The following KLHDC4 variants were observed in gnomAD, a reference collection of about 807,000 sequenced individuals.
KLHDC4 encodes the protein kelch domain-containing protein 4.
Under a neutral mutation model 62.4 loss-of-function variants are expected in KLHDC4, and 90 were observed. The ratio of observed to expected loss-of-function variants is 1.44; its 90% CI spans 1.22 to 1.72. The LOEUF (loss-of-function observed/expected upper bound fraction) is 1.72. Ranked by LOEUF, KLHDC4 falls within the 40% of genes most tolerant of loss-of-function variation. The pLI is 0.00. For missense variants in KLHDC4, 1,025 were observed against 699.7 expected (o/e 1.47, Z -5.25); for synonymous variants, 386 against 284.4 (o/e 1.36, Z -3.59).
At chr16:87,731,635 G>A (rs868301826) in intron 5 of KLHDC4, among the ~76,000 whole-genome samples, 20 of 151,282 alleles carry the variant, frequency 1.3e-4, no homozygotes, top group Admixed American at 5.3e-4. Flanking sequence ...CCATGGCACC[G>A]GTGAAAACGT....
intron 4 of KLHDC4, among the ~76,000 whole-genome samples, chr16:87,752,054 C>T (rs761882484): frequency 4.7e-4 from 59 of 125,548 alleles, no homozygotes; most frequent in Middle Eastern, 5.3e-3. Context: ...CGCGCCACTG[C>T]ACTCCAGCCT....
In KLHDC4 at chr16:87,744,657, C is replaced by T. The variant is rs967547415; in HGVS notation, c.506+4016G>A. Among the ~76,000 whole-genome samples the T allele has an allele frequency of 4.6e-5, 7 of 151,596 alleles. No homozygotes were observed. In the South Asian group the frequency reaches 1.5e-3, roughly 32 times the overall value. On this transcript the variant is annotated intron_variant, in intron 5 of 11. Coordinates refer to ENST00000270583, the MANE Select transcript of KLHDC4 (RefSeq NM_017566.4). ...ACAAAATACATGAAAAAAGCAAAGA[C>T]TTTAAGTAAATGAGAAAAATCCTCC...
intron 5 of KLHDC4, among the ~76,000 whole-genome samples, chr16:87,733,232 T>C (rs951636355): frequency 6.6e-6 from 1 of 152,244 alleles, no homozygotes; most frequent in African/African-American, 2.4e-5. Flanking sequence ...AGTGGTTTTC[T>C]TGTCTTAATC....
At chr16:87,718,526 C>T (rs953740576) in intron 7 of KLHDC4, among the ~76,000 whole-genome samples, 11 of 151,718 alleles carry the variant, frequency 7.3e-5, no homozygotes, top group African/African-American at 9.7e-5. Flanking sequence ...CGCGCCGCCA[C>T]GCCTGACTGG....
intron 9 of KLHDC4, chr16:87,710,756 C>A (rs917340851): frequency 2.0e-5 from 3 of 153,618 alleles, no homozygotes; most frequent in African/African-American, 7.2e-5. Context: ...CTGGGTCCGG[C>A]TGACCTGGTA....
chr16:87,718,987 G>A lies in KLHDC4; in HGVS notation c.760-4414C>T, dbSNP rs188685311. On this transcript the variant is annotated intron_variant, in intron 7 of 11. Transcript: ENST00000270583. ...TGAGAAGTGAGGAGCCCCTCCGCCC[G>A]GCAGCCGCCCCCTCCGGGAAGTGAG... is the stretch of plus-strand genomic sequence containing the variant. Among the ~76,000 whole-genome samples, 484 of 150,970 alleles carry A rather than the reference G, an allele frequency of 3.2e-3. 1 individual carries two copies. The highest frequency in any genetic ancestry group is 0.011 in the African/African-American group (465 of 40,984).
chr16:87,746,183 C>G (rs1486751656), intron 5 of KLHDC4, among the ~76,000 whole-genome samples: 1 of 151,938 alleles, frequency 6.6e-6, no homozygotes, highest in Non-Finnish European at 1.5e-5. Flanking sequence ...GGCAGGAAGA[C>G]CACTTGAGCC....
chr16:87,727,046 T>C (rs1315840011), intron 6 of KLHDC4, 122 bp from the exon 7 acceptor site: 2 of 1,022,240 alleles, frequency 2.0e-6, no homozygotes, highest in Admixed American at 2.3e-5. Flanking sequence ...TCAAACCATT[T>C]TTCTCCTCTG....
In KLHDC4 at chr16:87,755,199, G is replaced by A; in HGVS notation, c.364C>T (p.His122Tyr). Residue 122 changes from histidine to tyrosine, a missense_variant, in exon 4 of 12, where the codon CAC becomes TAC. By Grantham distance (83) the His-to-Tyr change is moderately conservative (BLOSUM62 2). Transcript: ENST00000270583. ...AGAGTCAGTGCTGACATTACCTGGT[G>A]AGCACAGCGCCTCGGAGGTGGACTG... ...IPSPPPRRCA[H>Y]QAVVVPQGGG... 1 of 1,605,150 alleles carries A rather than the reference G, an allele frequency of 6.2e-7. No homozygotes were observed. Among genetic ancestry groups the A allele is most frequent in the South Asian group, 1.1e-5 (1 of 90,874 alleles).
At chr16:87,728,264 C>CT (rs1257167023) in intron 6 of KLHDC4, among the ~76,000 whole-genome samples, 1 of 152,156 alleles carries the variant, frequency 6.6e-6, no homozygotes, top group African/African-American at 2.4e-5. Flanking sequence ...GACGATGGCT[C>CT]TTAATATAGA....
exon 1 of KLHDC4, chr16:87,702,551 G>C (rs1241993156): frequency 6.8e-5 from 24 of 353,082 alleles, no homozygotes; most frequent in South Asian, 4.5e-4. Flanking sequence ...CCCCCTCCTG[G>C]ACGCTGAGCT....
rs533513321 is a variant in KLHDC4 at position 87,752,859 on chromosome 16, G to C, written c.369+2335C>G. 3.3e-5 allele frequency among the ~76,000 whole-genome samples: 5 copies of C among 152,312 alleles called. No individual in the cohort carries two copies. The East Asian group carries it at 7.7e-4, about 23-fold the overall frequency. On this transcript the variant is annotated intron_variant, in intron 4 of 11. Transcript: ENST00000270583. ...AAAACTTCTACTCCTGCCCACGATG[G>C]AGCAACCTGTACCACGTTAGCTCCG...
intron 5 of KLHDC4, chr16:87,742,840 C>T (rs527466201): frequency 1.3e-5 from 2 of 152,298 alleles, no homozygotes; most frequent in African/African-American, 2.4e-5. Flanking sequence ...AAAACACGGC[C>T]CCTCCAGACG....
intron 4 of KLHDC4, among the ~76,000 whole-genome samples, chr16:87,751,196 C>G (rs1334138797): frequency 6.6e-6 from 1 of 152,222 alleles, no homozygotes; most frequent in Non-Finnish European, 1.5e-5. Flanking sequence ...TATGAACTGG[C>G]TGGGCGTGGT....
intron 4 of KLHDC4, 118 bp downstream of exon 4, chr16:87,755,076 C>T (rs1597372967): frequency 3.1e-6 from 2 of 638,738 alleles, no homozygotes; most frequent in South Asian, 1.9e-5. Flanking sequence ...CAGAACCAGG[C>T]GATCTACAGG....
At chr16:87,741,941 G>A (rs944873487) in intron 5 of KLHDC4, among the ~76,000 whole-genome samples, 2 of 152,182 alleles carry the variant, frequency 1.3e-5, no homozygotes, top group East Asian at 3.8e-4. Flanking sequence ...GTTTCCTGAT[G>A]AGCTCTTCCT....
At chr16:87,728,687 G>T (rs190172911) in intron 6 of KLHDC4, among the ~76,000 whole-genome samples, 12 of 152,206 alleles carry the variant, frequency 7.9e-5, no homozygotes, top group African/African-American at 2.9e-4. Context: ...TAAATTTTAA[G>T]AATGAACATA....
At chr16:87,723,315 A>G (rs923294810) in intron 7 of KLHDC4, among the ~76,000 whole-genome samples, 2 of 152,240 alleles carry the variant, frequency 1.3e-5, no homozygotes, top group African/African-American at 4.8e-5. Flanking sequence ...ACAGGCTCAG[A>G]GCCAAGAGCT....
chr16:87,731,836 C>T (rs1459885315), intron 5 of KLHDC4, among the ~76,000 whole-genome samples: 1 of 152,208 alleles, frequency 6.6e-6, no homozygotes, highest in African/African-American at 2.4e-5. Context: ...TGGTGCTCCC[C>T]ACATGGGGGA....
Sources: allele counts gnomAD v4.1 joint callset (sites outside exome capture counted in the v4.1 genomes callset), GRCh38; gene constraint gnomAD v4.1.1; transcripts MANE v1.5; gene names NCBI Gene and HGNC (gene_info 2026-07-23, HGNC 2026-07-21).